Variants in NRXN1 observed in about 807,000 individuals in gnomAD.
The protein encoded by NRXN1 is neurexin-1.
Under a neutral mutation model 150.9 loss-of-function variants are expected in NRXN1, and 39 were observed. The observed-to-expected ratio is 0.26, with a 90% CI of 0.20 to 0.34. NRXN1 has a LOEUF of 0.34. NRXN1 is among the 10% of genes least tolerant of loss of function. NRXN1 has a pLI of 1.00. For missense variants in NRXN1, 1,815 were observed against 1,949.9 expected (o/e 0.93, Z 1.30); for synonymous variants, 924 against 757.0 (o/e 1.22, Z -3.62).
chr2:50,991,440 G>A (rs1698527942), intron 2 of NRXN1, among the ~76,000 whole-genome samples: 1 of 151,978 alleles, frequency 6.6e-6, no homozygotes, highest in African/African-American at 2.4e-5. Flanking sequence ...AGAAGCCCAA[G>A]CCAGCCAGCT....
At chr2:50,110,466 T>G (rs1573967543) in intron 18 of NRXN1, among the ~76,000 whole-genome samples, 2 of 125,536 alleles carry the variant, frequency 1.6e-5, no homozygotes, top group South Asian at 4.9e-4. Flanking sequence ...CACTCCAGCC[T>G]GGGCGACAGA....
intron 5 of NRXN1, among the ~76,000 whole-genome samples, chr2:50,797,558 C>T (rs1352863300): frequency 6.6e-6 from 1 of 152,124 alleles, no homozygotes; most frequent in Non-Finnish European, 1.5e-5. Flanking sequence ...CATGGGTAGA[C>T]TTTGGAGACA....
chr2:50,257,645 T>C (rs1314574666), intron 17 of NRXN1, among the ~76,000 whole-genome samples: 1 of 151,970 alleles, frequency 6.6e-6, no homozygotes, highest in African/African-American at 2.4e-5. Flanking sequence ...GAGTAATTTT[T>C]TCTGTACTAT....
intron 5 of NRXN1, among the ~76,000 whole-genome samples, chr2:50,761,331 G>C (rs1701777678): frequency 1.3e-5 from 2 of 151,866 alleles, no homozygotes; most frequent in Admixed American, 6.6e-5. Flanking sequence ...CCAGGTGGGA[G>C]GTAATTGAAT....
intron 21 of NRXN1, among the ~76,000 whole-genome samples, chr2:50,015,454 T>G (rs74946527): frequency 1.7e-5 from 2 of 118,024 alleles, no homozygotes; most frequent in African/African-American, 6.7e-5. Context: ...GAGAATAACA[T>G]AGAAATGATT....
At chr2:50,607,127 C>T (rs756629192) in intron 8 of NRXN1, among the ~76,000 whole-genome samples, 7 of 152,078 alleles carry the variant, frequency 4.6e-5, no homozygotes, top group Admixed American at 2.6e-4. Flanking sequence ...GGATAAAATG[C>T]CATAAAATTC....
rs1332554938 is a variant in NRXN1, at chr2:50,340,897, T to G, written c.3365-103927A>C. On this transcript the variant is annotated intron_variant, in intron 17 of 22. Transcript: ENST00000401669. ...CATCGAGGGCTGACTGTGGTGATGGTCAACAGTAAAGGAAAGCTGGTTTTC... is the reference window on the plus strand; with the variant it reads ...CATCGAGGGCTGACTGTGGTGATGGGCAACAGTAAAGGAAAGCTGGTTTTC... Among the ~76,000 whole-genome samples the G allele has an allele frequency of 2.0e-5, 3 of 152,184 alleles. No homozygotes were observed. The East Asian group carries it at 5.8e-4, about 29-fold the overall frequency.
At chr2:50,828,897 T>C (rs1670950694) in intron 5 of NRXN1, among the ~76,000 whole-genome samples, 1 of 152,190 alleles carries the variant, frequency 6.6e-6, no homozygotes, top group African/African-American at 2.4e-5. Context: ...GTGGAGGTTG[T>C]AGCGAGCCAA....
chr2:50,371,702 T>G (rs1354909892), intron 17 of NRXN1, among the ~76,000 whole-genome samples: 1 of 152,018 alleles, frequency 6.6e-6, no homozygotes, highest in African/African-American at 2.4e-5. Context: ...TTATGGAAAG[T>G]GGATCCACAA....
intron 5 of NRXN1, among the ~76,000 whole-genome samples, chr2:50,688,114 G>C (rs1040837719): frequency 4.6e-5 from 7 of 152,176 alleles, no homozygotes; most frequent in African/African-American, 1.7e-4. Flanking sequence ...GAAAAGTCCA[G>C]AAGTCACTGT....
chr2:50,481,834 C>A lies in NRXN1; in HGVS notation c.3071-9363G>T, dbSNP rs1265749402. On this transcript the variant is annotated intron_variant, in intron 15 of 22. Transcript: ENST00000401669. ...AGGCTGGAGTGCAGTGGCGGGATCT[C>A]GGCTCACTGCAAGCTCCGCCTCCCG... Among the ~76,000 whole-genome samples the A allele has an allele frequency of 4.5e-5, 5 of 110,256 alleles. No individual in the cohort carries two copies. In the South Asian group the frequency reaches 1.1e-3, roughly 25 times the overall value. 72.3% of individuals were successfully genotyped at this position (110,256 alleles called of 152,430 possible).
intron 17 of NRXN1, among the ~76,000 whole-genome samples, chr2:50,457,437 T>C (rs11894732): frequency 0.078 from 11,809 of 152,086 alleles, 702 homozygotes; most frequent in African/African-American, 0.16. Flanking sequence ...CGCATTCAAG[T>C]TCTGTTTGTG....
chr2:49,936,721 TAA>T (rs35706467), intron 22 of NRXN1, among the ~76,000 whole-genome samples: 26,162 of 141,760 alleles, frequency 0.18, 2,489 homozygotes, highest in East Asian at 0.3. Flanking sequence ...ATTATATTGT[TAA>T]AAAAAAAAAA....
chr2:50,458,045 C>A (rs1462345588), intron 17 of NRXN1, among the ~76,000 whole-genome samples: 1 of 152,078 alleles, frequency 6.6e-6, no homozygotes, highest in African/African-American at 2.4e-5. Context: ...ATGTTTACTG[C>A]AGCACTATTC....
At position 51,027,860 on chromosome 2, in the gene NRXN1, C is replaced by G. The variant is rs962050724; in HGVS notation, c.414G>C (p.Val138=). The part of the protein sequence containing the change: ...LFIDQVEAKW[V]EVKSKRRDMT... ...TGTCCCTGCGCTTGGACTTGACCTC[C>G]ACCCACTTGGCCTCCACCTGGTCGA... Residue 138 remains valine (V), a synonymous_variant, in exon 2 of 23, where the codon GTG becomes GTC. Transcript: ENST00000401669. The G allele has an allele frequency of 9.9e-6, 16 of 1,612,972 alleles. No homozygotes were observed. The highest frequency in any genetic ancestry group is 1.1e-5 in the Non-Finnish European group (13 of 1,179,728).
chr2:50,151,754 T>C (rs2058710868), intron 18 of NRXN1, among the ~76,000 whole-genome samples: 1 of 151,744 alleles, frequency 6.6e-6, no homozygotes, highest in Non-Finnish European at 1.5e-5. Context: ...ATTGTGGCAA[T>C]GGTTGCAATT....
chr2:49,970,412 T>C (rs1172744041), intron 21 of NRXN1: 1 of 152,126 alleles, frequency 6.6e-6, no homozygotes, highest in East Asian at 1.9e-4. Flanking sequence ...TTCTGCTTTT[T>C]AATAGTTGTT....
intron 18 of NRXN1, among the ~76,000 whole-genome samples, chr2:50,102,794 G>T (rs147049542): frequency 1.3e-5 from 2 of 152,022 alleles, no homozygotes; most frequent in African/African-American, 4.8e-5. Context: ...TACAAAGACA[G>T]ATCCTTTTAT....
intron 19 of NRXN1, among the ~76,000 whole-genome samples, chr2:50,075,813 C>T (rs1309904582): frequency 6.6e-6 from 1 of 151,704 alleles, no homozygotes; most frequent in Non-Finnish European, 1.5e-5. Flanking sequence ...AAAAACAGCT[C>T]TACTTTCAGG....
Sources: gnomAD v4.1 joint callset for allele counts (sites outside exome capture counted in the v4.1 genomes callset) on GRCh38, gnomAD v4.1.1 for gene constraint, MANE v1.5 for transcripts, NCBI Gene and HGNC (gene_info 2026-07-23, HGNC 2026-07-21) for gene names.